CIMIP2A: variants seen among roughly 807,000 people sequenced by gnomAD.
The protein encoded by CIMIP2A is ciliary microtubule inner protein 2A.
chr9:137,243,766 CAG>C, the CIMIP2A span: 39 of 1,613,910 alleles, frequency 2.4e-5, no homozygotes, highest in Non-Finnish European at 3.1e-5. Flanking sequence ...TGCCGAATGT[CAG>C]GGCGTAGTTG....
the CIMIP2A span, chr9:137,247,627 GC>G: frequency 1.2e-6 from 2 of 1,604,494 alleles, no homozygotes; most frequent in Non-Finnish European, 1.7e-6. Context: ...TGCAGCCCTG[GC>G]CCCAGCCACC....
At chr9:137,244,930 TG>T in the CIMIP2A span, 1 of 1,599,728 alleles carries the variant, frequency 6.3e-7, no homozygotes, top group South Asian at 1.1e-5. Context: ...GCTGGGCTCC[TG>T]GAAGCAGCTG....
chr9:137,253,185 G>A, the CIMIP2A span: 1 of 1,606,032 alleles, frequency 6.2e-7, no homozygotes, highest in Non-Finnish European at 8.5e-7. Flanking sequence ...CGCCTGGCGT[G>A]GTCATCCAGG....
At chr9:137,246,088 C>T in the CIMIP2A span, among the ~76,000 whole-genome samples, 1 of 152,240 alleles carries the variant, frequency 6.6e-6, no homozygotes, top group African/African-American at 2.4e-5. Context: ...ACGTCAGCAC[C>T]ACAGCAGATG....
chr9:137,245,140 G>A, the CIMIP2A span: 53 of 1,593,454 alleles, frequency 3.3e-5, no homozygotes, highest in Middle Eastern at 3.4e-4. Flanking sequence ...TGCGGCAGCC[G>A]CTGGAAGCTG....
chr9:137,250,530 C>T, the CIMIP2A span: 1 of 152,668 alleles, frequency 6.6e-6, no homozygotes, highest in Admixed American at 6.5e-5. Flanking sequence ...AGGCCCTGCC[C>T]TGGTGGATTC....
the CIMIP2A span, chr9:137,251,364 T>C: frequency 1.9e-6 from 3 of 1,613,186 alleles, no homozygotes; most frequent in African/African-American, 4.0e-5. Flanking sequence ...GGACCCATGG[T>C]CACCTGAGGC....
the CIMIP2A span, chr9:137,244,400 A>G: frequency 1.9e-6 from 3 of 1,574,266 alleles, no homozygotes; most frequent in South Asian, 3.6e-5. Context: ...GAAAGCTGCT[A>G]ATGCTCCCAG....
chr9:137,246,878 CGT>C, the CIMIP2A span, among the ~76,000 whole-genome samples: 4 of 152,138 alleles, frequency 2.6e-5, no homozygotes, highest in South Asian at 6.2e-4. Flanking sequence ...TTGCATGTAG[CGT>C]GTGTGTATGT....
chr9:137,253,642 G>A, the CIMIP2A span: 1 of 603,518 alleles, frequency 1.7e-6, no homozygotes, highest in Non-Finnish European at 2.5e-6. Context: ...CTGACCCTGA[G>A]CTCTAGCCTG....
At chr9:137,247,569 CCT>C in the CIMIP2A span, 1 of 1,219,316 alleles carries the variant, frequency 8.2e-7, no homozygotes. Flanking sequence ...GCTCTGGGCC[CCT>C]CACAGCTGGC....
At chr9:137,254,754 C>T in the CIMIP2A span, among the ~76,000 whole-genome samples, 1 of 151,440 alleles carries the variant, frequency 6.6e-6, no homozygotes, top group Non-Finnish European at 1.5e-5. Context: ...CTCTCCTTCA[C>T]GGCTCCGCGG....
the CIMIP2A span, chr9:137,244,379 G>C: frequency 6.3e-7 from 1 of 1,591,078 alleles, no homozygotes; most frequent in South Asian, 1.1e-5. Flanking sequence ...CGGAGGGCCG[G>C]CACTCCGTGG....
the CIMIP2A span, chr9:137,252,979 G>A: frequency 6.3e-7 from 1 of 1,587,138 alleles, no homozygotes; most frequent in Middle Eastern, 1.7e-4. Flanking sequence ...AGGAGGCCTG[G>A]AGAGAAGAGG....
chr9:137,245,503 A>C, the CIMIP2A span: 1 of 1,613,708 alleles, frequency 6.2e-7, no homozygotes, highest in Non-Finnish European at 8.5e-7. Context: ...CTGGGCGTCC[A>C]CCTCCAAGGG....
the CIMIP2A span, among the ~76,000 whole-genome samples, chr9:137,249,517 G>C: frequency 6.6e-6 from 1 of 152,202 alleles, no homozygotes; most frequent in African/African-American, 2.4e-5. Context: ...GGGGGTGCGG[G>C]CGGGGGACTT....
At chr9:137,244,185 A>AT in the CIMIP2A span, 1 of 1,613,712 alleles carries the variant, frequency 6.2e-7, no homozygotes, top group African/African-American at 1.3e-5. Flanking sequence ...GATGAACCCC[A>AT]TGTAGAAGGG....
chr9:137,247,098 C>T, the CIMIP2A span, among the ~76,000 whole-genome samples: 1 of 151,978 alleles, frequency 6.6e-6, no homozygotes. Context: ...CCAGCCTGAC[C>T]AACATAAAGA....
chr9:137,244,228 T>C, the CIMIP2A span: 1 of 1,613,894 alleles, frequency 6.2e-7, no homozygotes, highest in Non-Finnish European at 8.5e-7. Context: ...ATGTGGTTGC[T>C]GGGCCAGTGT....
Sources: gnomAD v4.1 joint callset for allele counts (sites outside exome capture counted in the v4.1 genomes callset) on GRCh38, gnomAD v4.1.1 for gene constraint, MANE v1.5 for transcripts, NCBI Gene and HGNC (gene_info 2026-07-23, HGNC 2026-07-21) for gene names.